The following MTM1 variants were observed in gnomAD, a reference collection of about 807,000 sequenced individuals.
MTM1 encodes myotubularin 1.
Under a neutral mutation model 52.1 loss-of-function variants are expected in MTM1, and 9 were observed. The ratio of observed to expected loss-of-function variants is 0.17; its 90% CI spans 0.10 to 0.30. MTM1 has a LOEUF of 0.30. Ranked by LOEUF, MTM1 falls within the 10% of genes least tolerant of loss-of-function variation. The pLI is 1.00. For synonymous variants in MTM1, 136 were observed against 163.8 expected, an observed-to-expected ratio of 0.83 and a Z score of 1.29; for missense variants, 277 against 470.7, an observed-to-expected ratio of 0.59 and a Z score of 3.81.
At chrX:150,577,323 C>T (rs190974122) in intron 1 of MTM1, among the ~76,000 whole-genome samples, 156 of 112,159 alleles carry the variant, frequency 1.4e-3, no homozygotes, top group Admixed American at 3.2e-3. Context: ...CGTGTAAATA[C>T]TTAGGTGTGG....
chrX:150,588,753 A>G (rs781910010), intron 1 of MTM1, among the ~76,000 whole-genome samples: 5 of 111,826 alleles, frequency 4.5e-5, no homozygotes, highest in Middle Eastern at 4.6e-3. Context: ...AATCGTTTCA[A>G]AGGGGTACAA....
At chrX:150,594,984 T>C (rs2148428778) in intron 2 of MTM1, among the ~76,000 whole-genome samples, 1 of 111,444 alleles carries the variant, frequency 9.0e-6, no homozygotes, top group South Asian at 3.8e-4. Flanking sequence ...GTTAAAATGT[T>C]TAGCTTGCAA....
chrX:150,623,263 A>G (rs1371301352), intron 6 of MTM1, among the ~76,000 whole-genome samples: 4 of 111,408 alleles, frequency 3.6e-5, no homozygotes, highest in Non-Finnish European at 7.5e-5. Flanking sequence ...CAGTGCTGGG[A>G]GAGCTGGGGA....
rs782081514 is a variant in MTM1 at position 150,665,322 on chromosome X, C to T, written c.1644+1713C>T. Among the ~76,000 whole-genome samples the T allele has an allele frequency of 3.0e-3, 337 of 112,050 alleles. 1 individual carries two copies. The highest frequency in any genetic ancestry group is 0.019 in the Middle Eastern group (4 of 216). On this transcript the variant is annotated intron_variant, in intron 14 of 14. Transcript: ENST00000370396. ...GCAGAGATTAAGAAGAAATGGTCTC[C>T]GCCCATGAGTAGCTCCCAAGCTGGT... is the stretch of plus-strand genomic sequence containing the variant.
chrX:150,640,346 C>CT (rs1309195197), intron 7 of MTM1, among the ~76,000 whole-genome samples: 1 of 111,586 alleles, frequency 9.0e-6, no homozygotes, highest in Non-Finnish European at 1.9e-5. Context: ...TATATTCAAT[C>CT]TTTTTTTCTT....
At chrX:150,577,913 C>T (rs2076652572) in intron 1 of MTM1, among the ~76,000 whole-genome samples, 1 of 112,186 alleles carries the variant, frequency 8.9e-6, no homozygotes, top group South Asian at 3.6e-4. Flanking sequence ...ATGTTTAGAT[C>T]TGTTTTGGCA....
intron 2 of MTM1, 34 bp from the exon 3 acceptor site, chrX:150,596,464 G>A (rs782042066): frequency 1.7e-5 from 19 of 1,112,956 alleles, no homozygotes; most frequent in Non-Finnish European, 2.2e-5. Context: ...TAAATGTAAC[G>A]TCATTACTTC....
intron 2 of MTM1, among the ~76,000 whole-genome samples, chrX:150,594,585 A>G (rs1244128723): frequency 8.9e-6 from 1 of 112,307 alleles, no homozygotes; most frequent in Non-Finnish European, 1.9e-5. Flanking sequence ...TACAAGGACC[A>G]TCCTCATCTC....
Position 150,598,706 on chromosome X carries a change from A to G in MTM1, c.231+20A>G, listed in dbSNP as rs1557412671. ...GAAACGGTAAGTAGAATATAAGACC[A>G]TAAAGATGACCCTAACTGTTAAAGA... On this transcript the variant is annotated intron_variant, in intron 4 of 14. Coordinates refer to ENST00000370396, the MANE Select transcript of MTM1 (RefSeq NM_000252.3). The G allele has an allele frequency of 3.0e-6, 3 of 997,533 alleles. No homozygotes were observed. Among genetic ancestry groups the G allele is most frequent in the Non-Finnish European group, 4.3e-6 (3 of 702,624 alleles). 82.2% of individuals were successfully genotyped at this position (997,533 alleles called of 1,213,427 possible).
chrX:150,671,216 T>C (rs2040390529), intron 14 of MTM1, among the ~76,000 whole-genome samples: 2 of 111,727 alleles, frequency 1.8e-5, no homozygotes, highest in Non-Finnish European at 3.8e-5. Context: ...TATTTCTTGG[T>C]GAACAAATAC....
intron 1 of MTM1, among the ~76,000 whole-genome samples, chrX:150,588,758 G>A (rs1029459468): frequency 1.8e-5 from 2 of 111,534 alleles, no homozygotes; most frequent in Admixed American, 1.9e-4. Context: ...TTTCAAAGGG[G>A]TACAAGTTAA....
chrX:150,615,749 G>A (rs971413869), intron 5 of MTM1, among the ~76,000 whole-genome samples: 5 of 111,906 alleles, frequency 4.5e-5, no homozygotes, highest in East Asian at 5.6e-4. Context: ...TTTTCTTTCC[G>A]TTTATAAAAG....
chrX:150,564,476 G>A (rs28528129), upstream of MTM1, among the ~76,000 whole-genome samples: 4 of 111,289 alleles, frequency 3.6e-5, no homozygotes, highest in African/African-American at 9.8e-5. Context: ...TCCGCCTCCC[G>A]GGTTCAAGCG....
At chrX:150,665,101 T>C (rs888711449) in intron 14 of MTM1, among the ~76,000 whole-genome samples, 2 of 111,855 alleles carry the variant, frequency 1.8e-5, no homozygotes, top group Non-Finnish European at 3.8e-5. Context: ...CATTCTCTGG[T>C]AGGGGTTTTT....
At chrX:150,604,346 C>T (rs1255902102) in intron 4 of MTM1, among the ~76,000 whole-genome samples, 2 of 111,603 alleles carry the variant, frequency 1.8e-5, no homozygotes, top group Non-Finnish European at 3.8e-5. Flanking sequence ...AGCATGACAA[C>T]AGCTGACAGA....
At chrX:150,580,272 A>T (rs1354729614) in intron 1 of MTM1, among the ~76,000 whole-genome samples, 2 of 112,149 alleles carry the variant, frequency 1.8e-5, no homozygotes, top group African/African-American at 6.5e-5. Flanking sequence ...AGTCTTACTG[A>T]CTATACATAT....
chrX:150,588,217 A>G (rs887809217), intron 1 of MTM1, among the ~76,000 whole-genome samples: 16 of 112,417 alleles, frequency 1.4e-4, no homozygotes, highest in African/African-American at 4.9e-4. Flanking sequence ...GAGAAAGAGC[A>G]TGATTGAACT....
rs191142117 is a variant in MTM1 at position 150,651,419 on chromosome X, A to G, written c.1053+1518A>G. Among the ~76,000 whole-genome samples, 6 of 108,773 alleles carry G rather than the reference A, an allele frequency of 5.5e-5. No individual in the cohort carries two copies. In the East Asian group the frequency reaches 1.7e-3, roughly 31 times the overall value. 94.5% of individuals were successfully genotyped at this position (108,773 alleles called of 115,157 possible). A position where few individuals can be genotyped will look rare whatever the true frequency, so the allele number is the denominator to read the frequency against. On this transcript the variant is annotated intron_variant, in intron 10 of 14. Transcript: ENST00000370396. ...TTTGGATTTCCTTAGCTTTTACCTA[A>G]TGTCCTTTTTCTGTTTAAGGATCCC...
intron 10 of MTM1, among the ~76,000 whole-genome samples, chrX:150,652,325 G>C (rs1340919529): frequency 9.2e-6 from 1 of 109,036 alleles, no homozygotes; most frequent in African/African-American, 3.3e-5. Flanking sequence ...GACCACCCTG[G>C]GCAACGTAGT....
Sources: allele counts gnomAD v4.1 joint callset (sites outside exome capture counted in the v4.1 genomes callset), GRCh38; gene constraint gnomAD v4.1.1; transcripts MANE v1.5; gene names NCBI Gene and HGNC (gene_info 2026-07-23, HGNC 2026-07-21).